Variants in RIMBP2 observed in about 807,000 individuals in gnomAD.
RIMBP2 encodes the protein RIMS binding protein 2.
In RIMBP2, 48 loss-of-function variants were observed where a neutral mutation model predicts 118.6. That is an observed-to-expected ratio of 0.40 (90% confidence interval 0.32 to 0.51). RIMBP2 has a LOEUF of 0.51. Among genes scored for constraint, RIMBP2 ranks in the 20% least tolerant of loss-of-function variants. RIMBP2 has a pLI of 0.41. For missense variants in RIMBP2, 1,551 were observed against 1,768.3 expected (o/e 0.88, Z 2.20); for synonymous variants, 762 against 742.9 (o/e 1.03, Z -0.42).
intron 1 of RIMBP2, among the ~76,000 whole-genome samples, chr12:130,645,817 T>C (rs2062846415): frequency 6.6e-6 from 1 of 152,188 alleles, no homozygotes; most frequent in Non-Finnish European, 1.5e-5. Context: ...AGATGCACTT[T>C]CTTTGAATAG....
rs1419664090 is a variant in RIMBP2, at chr12:130,475,886, C to T, written c.102+3026G>A. ...GAGGGGAGTTCTGTGTGGGACGTGG[C>T]GTCCGAGGCCCCCCAAGCAGTGGTG... On this transcript the variant is annotated intron_variant, in intron 5 of 22. Transcript: ENST00000690449. The surrounding 1 kb of genome is among the most constrained non-coding windows in gnomAD (Gnocchi z 4.1). 6.6e-6 allele frequency among the ~76,000 whole-genome samples: 1 copy of T among 151,892 alleles called. No individual in the cohort carries two copies. Among genetic ancestry groups the T allele is most frequent in the Non-Finnish European group, 1.5e-5 (1 of 67,976 alleles).
intron 2 of RIMBP2, among the ~76,000 whole-genome samples, chr12:130,530,013 A>C (rs936141507): frequency 4.6e-5 from 7 of 152,210 alleles, no homozygotes; most frequent in Admixed American, 1.3e-4. Context: ...TTGGTGACCC[A>C]CACTATAAGG....
chr12:130,444,414 G>A (rs56759800), intron 10 of RIMBP2, among the ~76,000 whole-genome samples: 10,368 of 152,222 alleles, frequency 0.068, 474 homozygotes, highest in East Asian at 0.23. Context: ...ATGAGGTCAC[G>A]AAAGAGAAAC....
Position 130,628,406 on chromosome 12 carries a change from G to A in RIMBP2, c.-301C>T, listed in dbSNP as rs949405612. On this transcript the variant is annotated 5_prime_UTR_variant, in exon 2 of 23. Transcript: ENST00000690449. Reference sequence around the variant, plus strand: ...GGTCTCCCAAAGCTTGGGTCTGATCGAATGTGGCCTCAGCACCTGCAGGCT... The same window carrying A: ...GGTCTCCCAAAGCTTGGGTCTGATCAAATGTGGCCTCAGCACCTGCAGGCT... The A allele has an allele frequency of 3.9e-5, 6 of 152,194 alleles. No homozygotes were observed. The highest frequency in any genetic ancestry group is 1.3e-4 in the Admixed American group (2 of 15,282). The allele number at this position is 152,194 out of a possible 1,614,324, so 9.4% of individuals were successfully genotyped here.
intron 2 of RIMBP2, among the ~76,000 whole-genome samples, chr12:130,520,791 A>G (rs7963990): frequency 0.17 from 26,338 of 152,026 alleles, 2,694 homozygotes; most frequent in African/African-American, 0.28. Flanking sequence ...CCTTCCTACC[A>G]TGATGGTAAA....
intron 6 of RIMBP2, among the ~76,000 whole-genome samples, chr12:130,460,870 C>T (rs910207984): frequency 5.3e-5 from 8 of 152,248 alleles, no homozygotes; most frequent in East Asian, 1.9e-4. Context: ...CCTTGAGCCC[C>T]GTCCCACAGT....
chr12:130,542,263 T>G (rs2054689101), intron 2 of RIMBP2, among the ~76,000 whole-genome samples: 1 of 148,528 alleles, frequency 6.7e-6, no homozygotes, highest in South Asian at 2.4e-4. Flanking sequence ...AGCAAGTGCT[T>G]GGGGTTTTGG....
At chr12:130,414,855 A>G (rs1178401839) in intron 17 of RIMBP2, 2 of 153,164 alleles carry the variant, frequency 1.3e-5, no homozygotes, top group African/African-American at 2.4e-5. Flanking sequence ...CTTTTGGACT[A>G]GAGGAAATGG....
chr12:130,694,773 G>A (rs1323920601), intron 1 of RIMBP2, among the ~76,000 whole-genome samples: 1 of 152,218 alleles, frequency 6.6e-6, no homozygotes, highest in African/African-American at 2.4e-5. Context: ...GGGTGGGCTG[G>A]CTGCTCAGGA....
intron 5 of RIMBP2, among the ~76,000 whole-genome samples, chr12:130,472,794 C>T (rs1351817477): frequency 6.6e-6 from 1 of 152,132 alleles, no homozygotes; most frequent in Non-Finnish European, 1.5e-5. Flanking sequence ...AGAGTTCATT[C>T]ATATGAGTTC....
rs182445569 is a variant in RIMBP2 at position 130,688,965 on chromosome 12, G to A, written c.-352+27257C>T. Among the ~76,000 whole-genome samples, 13 of 152,352 alleles carry A rather than the reference G, an allele frequency of 8.5e-5. No individual in the cohort carries two copies. In the South Asian group the frequency reaches 1.2e-3, roughly 15 times the overall value. ...AGCAGAGAACTGCCCAGTGTGCGCC[G>A]ATATCCTCTGTCCCTTTTCATTTCT... On this transcript the variant is annotated intron_variant, in intron 1 of 22. Transcript: ENST00000690449. This position sits in a 1 kb window ranked among gnomAD's most constrained non-coding sequence, Gnocchi z 4.7.
intron 2 of RIMBP2, among the ~76,000 whole-genome samples, chr12:130,579,769 G>A (rs1336781380): frequency 1.3e-5 from 2 of 151,888 alleles, no homozygotes; most frequent in African/African-American, 4.8e-5. Flanking sequence ...CCCAGCAATG[G>A]TCGTGTTCAC....
intron 1 of RIMBP2, among the ~76,000 whole-genome samples, chr12:130,661,879 G>A (rs1241705213): frequency 6.6e-6 from 1 of 152,206 alleles, no homozygotes; most frequent in African/African-American, 2.4e-5. Context: ...CTGTGGAAAT[G>A]AAGGTTCCAG....
chr12:130,593,344 C>A (rs142336092), intron 2 of RIMBP2, among the ~76,000 whole-genome samples: 367 of 152,372 alleles, frequency 2.4e-3, no homozygotes, highest in African/African-American at 8.1e-3. Flanking sequence ...GGGTGCTTCA[C>A]CTCCTCCACA....
chr12:130,424,252 TGGGCTCGCCCCAGCCGTGCTTCCTGGG>T lies in RIMBP2; in HGVS notation c.2992_3018del (p.Pro998_Pro1006del). On this transcript the variant is annotated inframe_deletion, in exon 16 of 23. Transcript: ENST00000690449. The surrounding 1 kb of genome is among the most constrained non-coding windows in gnomAD (Gnocchi z 9.8). ...ACACCCCGAAAATCTTGGTGCTCGG[TGGGCTCGCCCCAGCCGTGCTTCCTGGG>T]GGGCGGCCTCTCCGGGCCGGGCTGG... 8.1e-7 allele frequency: 1 copy of T among 1,231,826 alleles called. No homozygotes were observed. Among genetic ancestry groups the T allele is most frequent in the Non-Finnish European group, 1.0e-6 (1 of 987,876 alleles). The allele number at this position is 1,231,826 out of a possible 1,614,324, so 76.3% of individuals were successfully genotyped here.
At chr12:130,439,718 G>T (rs2077924425) in intron 11 of RIMBP2, among the ~76,000 whole-genome samples, 1 of 103,884 alleles carries the variant, frequency 9.6e-6, no homozygotes, top group Admixed American at 1.0e-4. Flanking sequence ...GGTGTCGGTG[G>T]GGGTGTTTGT....
At chr12:130,615,300 T>TATATATATATATATATATATATAC (rs1367996306) in intron 2 of RIMBP2, among the ~76,000 whole-genome samples, 1 of 140,844 alleles carries the variant, frequency 7.1e-6, no homozygotes, top group Non-Finnish European at 1.5e-5. Flanking sequence ...TATATATGTG[T>TATATATATATATATATATATATAC]ACACACAAAC....
chr12:130,398,443 C>G (rs1338675232), intron 22 of RIMBP2: 2 of 152,652 alleles, frequency 1.3e-5, no homozygotes, highest in Non-Finnish European at 2.9e-5. Context: ...GTAAAGCATC[C>G]CAAAGTACAC....
chr12:130,707,974 A>G (rs1376686122), intron 1 of RIMBP2, among the ~76,000 whole-genome samples: 2 of 152,214 alleles, frequency 1.3e-5, no homozygotes, highest in African/African-American at 4.8e-5. Context: ...TATATTTGCA[A>G]TAATCTCAGG....
Sources: allele counts gnomAD v4.1 joint callset (sites outside exome capture counted in the v4.1 genomes callset), GRCh38; gene constraint gnomAD v4.1.1; non-coding constraint Gnocchi (gnomAD v3.1); transcripts MANE v1.5; gene names NCBI Gene and HGNC (gene_info 2026-07-23, HGNC 2026-07-21).